Variants in FSTL5 observed in about 807,000 individuals in gnomAD.
FSTL5 encodes follistatin like 5, also known as follistatin-related protein 5.
Under a neutral mutation model 89.1 loss-of-function variants are expected in FSTL5, and 62 were observed. That is an observed-to-expected ratio of 0.70 (90% CI 0.57 to 0.86). FSTL5 has a LOEUF of 0.86. Ranked by LOEUF, FSTL5 falls within the 40% of genes least tolerant of loss-of-function variation. FSTL5 has a pLI of 0.00. For synonymous variants in FSTL5, 383 were observed against 346.2 expected (o/e 1.11, Z -1.18); for missense variants, 1,057 against 1,001.6 (o/e 1.06, Z -0.75).
chr4:161,651,037 A>T lies in FSTL5; in HGVS notation c.894+5291T>A, dbSNP rs141887485. Among the ~76,000 whole-genome samples the T allele has an allele frequency of 3.3e-5, 5 of 152,218 alleles. No individual in the cohort carries two copies. The East Asian group carries it at 9.7e-4, about 29-fold the overall frequency. Reference sequence around the variant, plus strand: ...CCCCTGACTGCCAATCCTGACAACCAATTCTATTTTATTTCCTCTCCAGGT... The same window carrying T: ...CCCCTGACTGCCAATCCTGACAACCTATTCTATTTTATTTCCTCTCCAGGT... On this transcript the variant is annotated intron_variant, in intron 7 of 15. Transcript: ENST00000306100.
chr4:161,514,201 A>G (rs1301604954), intron 10 of FSTL5, among the ~76,000 whole-genome samples: 3 of 151,906 alleles, frequency 2.0e-5, no homozygotes, highest in Non-Finnish European at 2.9e-5. Context: ...GTGACCATCA[A>G]TGGATGATTG....
intron 6 of FSTL5, among the ~76,000 whole-genome samples, chr4:161,727,539 C>A (rs1040822432): frequency 6.6e-6 from 1 of 152,170 alleles, no homozygotes; most frequent in Non-Finnish European, 1.5e-5. Context: ...TACTGAATAT[C>A]CAACCTGCAA....
chr4:162,153,950 T>G (rs919011378), intron 1 of FSTL5, among the ~76,000 whole-genome samples: 11 of 151,180 alleles, frequency 7.3e-5, no homozygotes, highest in African/African-American at 2.4e-4. Flanking sequence ...GGATTACAGG[T>G]GCCTGCCACC....
At chr4:161,469,405 T>G (rs900110985) in intron 13 of FSTL5, among the ~76,000 whole-genome samples, 1 of 152,144 alleles carries the variant, frequency 6.6e-6, no homozygotes, top group African/African-American at 2.4e-5. Context: ...AGTTCCACCA[T>G]TTTATATTCC....
chr4:162,096,134 C>A (rs1031116423), intron 2 of FSTL5, among the ~76,000 whole-genome samples: 1 of 151,854 alleles, frequency 6.6e-6, no homozygotes, highest in East Asian at 1.9e-4. Flanking sequence ...AATGCAATAA[C>A]GCTTCCAAAT....
At chr4:161,398,205 G>T (rs1226582733) in intron 15 of FSTL5, among the ~76,000 whole-genome samples, 1 of 151,912 alleles carries the variant, frequency 6.6e-6, no homozygotes, top group African/African-American at 2.4e-5. Context: ...GCATGCACAA[G>T]GATATTTATT....
chr4:161,611,182 A>G (rs1211308657), intron 7 of FSTL5, among the ~76,000 whole-genome samples: 2 of 144,838 alleles, frequency 1.4e-5, no homozygotes, highest in African/African-American at 2.6e-5. Flanking sequence ...GTATATATGT[A>G]TATATGTGTA....
chr4:162,143,737 CA>C (rs1394245246), intron 1 of FSTL5, among the ~76,000 whole-genome samples: 218 of 131,446 alleles, frequency 1.7e-3, no homozygotes, highest in Middle Eastern at 3.7e-3. Context: ...CACACACACA[CA>C]CACACACACA....
At chr4:162,065,866 C>G (rs1738877760) in intron 2 of FSTL5, among the ~76,000 whole-genome samples, 1 of 151,968 alleles carries the variant, frequency 6.6e-6, no homozygotes, top group Admixed American at 6.6e-5. Flanking sequence ...GTAATATGCT[C>G]TACCCTGAAA....
At position 161,412,761 on chromosome 4, in the gene FSTL5, A is replaced by G. The variant is rs576648842; in HGVS notation, c.1842-26312T>C. ...CAACAGACAATTCAGAAATAAACCT[A>G]CACTCCTACAACCACCTAATCTTCA... is the stretch of plus-strand genomic sequence containing the variant. On this transcript the variant is annotated intron_variant, in intron 15 of 15. Transcript: ENST00000306100. Among the ~76,000 whole-genome samples the G allele has an allele frequency of 2.8e-4, 43 of 152,184 alleles. 1 individual carries two copies. The highest frequency in any genetic ancestry group is 1.0e-3 in the Admixed American group (16 of 15,268).
intron 6 of FSTL5, among the ~76,000 whole-genome samples, chr4:161,731,203 CAAG>C (rs1194752641): frequency 6.6e-6 from 1 of 152,142 alleles, no homozygotes; most frequent in Non-Finnish European, 1.5e-5. Context: ...GTCACACACT[CAAG>C]ATGATGAATC....
At chr4:161,791,497 C>T (rs1199312959) in intron 4 of FSTL5, among the ~76,000 whole-genome samples, 1 of 152,082 alleles carries the variant, frequency 6.6e-6, no homozygotes, top group African/African-American at 2.4e-5. Context: ...TCTTTGTTAC[C>T]ACTACTCAGA....
At chr4:161,928,305 C>T (rs1229194736) in intron 3 of FSTL5, among the ~76,000 whole-genome samples, 1 of 151,762 alleles carries the variant, frequency 6.6e-6, no homozygotes, top group Non-Finnish European at 1.5e-5. Flanking sequence ...TATCCATTCA[C>T]CTACTGAAGG....
intron 2 of FSTL5, among the ~76,000 whole-genome samples, chr4:162,038,406 T>C (rs1737821284): frequency 6.6e-6 from 1 of 151,868 alleles, no homozygotes; most frequent in African/African-American, 2.4e-5. Flanking sequence ...GGTTTTATAA[T>C]AAATACAAGA....
At chr4:161,594,490 T>C (rs1198840114) in intron 7 of FSTL5, among the ~76,000 whole-genome samples, 1 of 152,106 alleles carries the variant, frequency 6.6e-6, no homozygotes, top group Non-Finnish European at 1.5e-5. Context: ...TATCCAAGAC[T>C]GCAACTTTTA....
At chr4:161,858,735 A>G (rs376210785) in intron 4 of FSTL5, among the ~76,000 whole-genome samples, 2 of 152,190 alleles carry the variant, frequency 1.3e-5, no homozygotes, top group African/African-American at 4.8e-5. Flanking sequence ...TTACTTCTAG[A>G]TGTGTGTCTT....
intron 10 of FSTL5, among the ~76,000 whole-genome samples, chr4:161,515,918 G>T (rs1280133456): frequency 6.6e-6 from 1 of 151,638 alleles, no homozygotes; most frequent in Admixed American, 6.6e-5. Flanking sequence ...TAAAACATTT[G>T]ATATATGTCA....
chr4:161,405,266 G>A (rs757320875), intron 15 of FSTL5, among the ~76,000 whole-genome samples: 30 of 148,648 alleles, frequency 2.0e-4, no homozygotes, highest in Non-Finnish European at 3.4e-4. Flanking sequence ...TGCTCATAGA[G>A]CTAAAGAAAA....
intron 4 of FSTL5, among the ~76,000 whole-genome samples, chr4:161,792,631 G>A (rs1020308130): frequency 2.0e-5 from 3 of 152,062 alleles, no homozygotes; most frequent in South Asian, 2.1e-4. Flanking sequence ...AAGGGAGGCC[G>A]GCCTACATAT....
Sources: gnomAD v4.1 joint callset for allele counts (sites outside exome capture counted in the v4.1 genomes callset) on GRCh38, gnomAD v4.1.1 for gene constraint, MANE v1.5 for transcripts, NCBI Gene and HGNC (gene_info 2026-07-23, HGNC 2026-07-21) for gene names.